KCTD16: variants seen among roughly 807,000 people sequenced by gnomAD.
The protein encoded by KCTD16 is potassium channel tetramerization domain containing 16.
Under a neutral mutation model 33.2 loss-of-function variants are expected in KCTD16, and 13 were observed. The ratio of observed to expected loss-of-function variants is 0.39; its 90% CI spans 0.25 to 0.62. The LOEUF (loss-of-function observed/expected upper bound fraction) is 0.62. Ranked by LOEUF, KCTD16 falls within the 20% of genes least tolerant of loss-of-function variation. The pLI, the probability that KCTD16 is intolerant of heterozygous loss-of-function variation, is 0.50. For missense variants in KCTD16, 441 were observed against 525.1 expected, an observed-to-expected ratio of 0.84 and a Z score of 1.57; for synonymous variants, 197 against 195.3, an observed-to-expected ratio of 1.01 and a Z score of -0.07.
At chr5:144,422,230 G>A (rs1020218808) in intron 3 of KCTD16, among the ~76,000 whole-genome samples, 1 of 152,136 alleles carries the variant, frequency 6.6e-6, no homozygotes, top group Non-Finnish European at 1.5e-5. Flanking sequence ...CTGTGGTCTA[G>A]TATTTGTCAA....
intron 3 of KCTD16, among the ~76,000 whole-genome samples, chr5:144,446,798 A>T (rs2126981500): frequency 6.6e-6 from 1 of 152,322 alleles, no homozygotes; most frequent in South Asian, 2.1e-4. Context: ...CAACAAACAT[A>T]TGAAAAAAAG....
At chr5:144,437,289 G>C (rs1328125834) in intron 3 of KCTD16, among the ~76,000 whole-genome samples, 1 of 152,212 alleles carries the variant, frequency 6.6e-6, no homozygotes, top group Non-Finnish European at 1.5e-5. Context: ...GGGAGAAGGA[G>C]TAAATGTCCC....
At chr5:144,340,816 G>A (rs542640528) in intron 3 of KCTD16, among the ~76,000 whole-genome samples, 9 of 152,120 alleles carry the variant, frequency 5.9e-5, no homozygotes, top group African/African-American at 1.9e-4. Context: ...TTAGGAGGCC[G>A]AGGCAGATGG....
intron 3 of KCTD16, among the ~76,000 whole-genome samples, chr5:144,456,368 G>T (rs527453362): frequency 6.6e-6 from 1 of 152,148 alleles, no homozygotes; most frequent in African/African-American, 2.4e-5. Flanking sequence ...TCAACTGAAT[G>T]AAAACACAAC....
At chr5:144,231,127 C>T (rs1754088917) in intron 3 of KCTD16, among the ~76,000 whole-genome samples, 1 of 152,120 alleles carries the variant, frequency 6.6e-6, no homozygotes, top group Admixed American at 6.6e-5. Context: ...TTTCTTCCTT[C>T]TATTTTCATT....
intron 3 of KCTD16, among the ~76,000 whole-genome samples, chr5:144,415,133 A>G (rs1753017609): frequency 6.6e-6 from 1 of 152,164 alleles, no homozygotes; most frequent in African/African-American, 2.4e-5. Context: ...CAGCAAGGTG[A>G]GAGGGTGAGA....
intron 3 of KCTD16, among the ~76,000 whole-genome samples, chr5:144,231,580 G>A (rs116802219): frequency 1.9e-3 from 282 of 152,190 alleles, no homozygotes; most frequent in African/African-American, 6.5e-3. Context: ...GCTGTGTTGG[G>A]CACTCAAACC....
intron 3 of KCTD16, among the ~76,000 whole-genome samples, chr5:144,312,858 G>A (rs527296013): frequency 6.6e-6 from 1 of 152,302 alleles, no homozygotes; most frequent in African/African-American, 2.4e-5. Context: ...TCTGTAAGGG[G>A]AAGTGACAAG....
At chr5:144,298,336 T>C (rs999302993) in intron 3 of KCTD16, among the ~76,000 whole-genome samples, 4 of 152,158 alleles carry the variant, frequency 2.6e-5, no homozygotes, top group Non-Finnish European at 4.4e-5. Flanking sequence ...TACTTCTTTT[T>C]GGATCACATT....
intron 3 of KCTD16, among the ~76,000 whole-genome samples, chr5:144,319,947 A>G (rs1474923287): frequency 1.3e-5 from 2 of 152,146 alleles, no homozygotes; most frequent in Non-Finnish European, 1.5e-5. Context: ...TGATATTTGT[A>G]TATTTCACTT....
At chr5:144,239,923 A>G (rs1039921976) in intron 3 of KCTD16, among the ~76,000 whole-genome samples, 1 of 152,144 alleles carries the variant, frequency 6.6e-6, no homozygotes, top group African/African-American at 2.4e-5. Context: ...TGGAAATGTA[A>G]AATGCATAGT....
intron 3 of KCTD16, among the ~76,000 whole-genome samples, chr5:144,465,730 A>G (rs1042572255): frequency 2.6e-5 from 4 of 151,346 alleles, no homozygotes; most frequent in Non-Finnish European, 4.4e-5. Context: ...TGCGTTTCTC[A>G]TAAAATTCAC....
chr5:144,361,494 A>G (rs1282593550), intron 3 of KCTD16, among the ~76,000 whole-genome samples: 2 of 152,162 alleles, frequency 1.3e-5, no homozygotes, highest in African/African-American at 4.8e-5. Context: ...TATTATGTCC[A>G]CTTCAAGTCT....
chr5:144,403,554 C>G (rs888589326), intron 3 of KCTD16, among the ~76,000 whole-genome samples: 26 of 152,188 alleles, frequency 1.7e-4, no homozygotes, highest in Non-Finnish European at 2.9e-5. Flanking sequence ...CAGATTCTCC[C>G]TCTGAGGCTG....
intron 3 of KCTD16, among the ~76,000 whole-genome samples, chr5:144,285,452 T>A (rs544767785): frequency 1.3e-5 from 2 of 152,328 alleles, no homozygotes; most frequent in South Asian, 4.1e-4. Context: ...TCTCTGCCAG[T>A]TCCTTCTGTC....
intron 3 of KCTD16, among the ~76,000 whole-genome samples, chr5:144,347,544 G>A (rs1256998951): frequency 2.0e-5 from 3 of 152,136 alleles, no homozygotes; most frequent in Admixed American, 6.5e-5. Context: ...GCAGTGAGCC[G>A]AGATCGCACC....
At chr5:144,304,892 A>G (rs1355591997) in intron 3 of KCTD16, among the ~76,000 whole-genome samples, 1 of 151,910 alleles carries the variant, frequency 6.6e-6, no homozygotes, top group African/African-American at 2.4e-5. Flanking sequence ...TAACCATAAC[A>G]GGTAGATATC....
chr5:144,457,111 GC>G (rs1754084211), intron 3 of KCTD16, among the ~76,000 whole-genome samples: 1 of 152,164 alleles, frequency 6.6e-6, no homozygotes, highest in South Asian at 2.1e-4. Flanking sequence ...TAAATGTAAC[GC>G]ACACTTATCA....
chr5:144,345,273 G>A (rs1752766276), intron 3 of KCTD16, among the ~76,000 whole-genome samples: 1 of 151,528 alleles, frequency 6.6e-6, no homozygotes, highest in African/African-American at 2.4e-5. Flanking sequence ...GTTAATGGGT[G>A]CAGCACACCA....
Sources: gnomAD v4.1 joint callset for allele counts (sites outside exome capture counted in the v4.1 genomes callset) on GRCh38, gnomAD v4.1.1 for gene constraint, MANE v1.5 for transcripts, NCBI Gene and HGNC (gene_info 2026-07-23, HGNC 2026-07-21) for gene names.